The following FZD6 variants were observed in gnomAD, a reference collection of about 807,000 sequenced individuals.
The protein encoded by FZD6 is frizzled class receptor 6, also known as frizzled-6.
FZD6 carries 49 observed loss-of-function variants against 61.4 expected under a neutral mutation model. That is an observed-to-expected ratio of 0.80 (90% CI 0.63 to 1.01). FZD6 has a LOEUF of 1.01. FZD6 is among the 50% of genes least tolerant of loss of function. FZD6 has a pLI of 0.00. For missense variants in FZD6, 724 were observed against 848.2 expected (o/e 0.85, Z 1.82); for synonymous variants, 265 against 292.2 (o/e 0.91, Z 0.95).
chr8:103,325,222 C>T lies in FZD6; in HGVS notation c.1116C>T (p.Leu372=). The change falls in exon 4 of 7, where the codon CTC becomes CTT. Residue 372 remains leucine (L), a synonymous_variant. Coordinates refer to ENST00000358755, the MANE Select transcript of FZD6 (RefSeq NM_003506.4). ...TGGATGCTTCTCGCTACTTTGTACT[C>T]TTGCCACTGTGCCTTTGTGTGTTTG... ...YDLDASRYFV[L]LPLCLCVFVG... 6.2e-7 allele frequency: 1 copy of T among 1,614,188 alleles called. No homozygotes were observed. The highest frequency in any genetic ancestry group is 8.5e-7 in the Non-Finnish European group (1 of 1,180,014).
intron 2 of FZD6, among the ~76,000 whole-genome samples, chr8:103,310,677 C>A (rs372739143): frequency 6.6e-6 from 1 of 152,210 alleles, no homozygotes; most frequent in East Asian, 1.9e-4. Context: ...AATCTGATAA[C>A]TCATGCTCGT....
chr8:103,327,684 A>G (rs12164188), intron 4 of FZD6, among the ~76,000 whole-genome samples: 64,829 of 152,060 alleles, frequency 0.43, 14,400 homozygotes, highest in East Asian at 0.6. Context: ...TTAGTAAGTA[A>G]AAAAGGCAAG....
At position 103,318,703 on chromosome 8, in the gene FZD6, A is replaced by G. The variant is rs751446119; in HGVS notation, c.291A>G (p.Lys97=). The G allele has an allele frequency of 8.7e-6, 14 of 1,609,798 alleles. No homozygotes were observed. In the South Asian group the frequency reaches 1.2e-4, roughly 14 times the overall value. Residue 97 remains lysine, a synonymous_variant, in exon 3 of 7, where the codon AAA becomes AAG. Coordinates refer to ENST00000358755, the MANE Select transcript of FZD6 (RefSeq NM_003506.4). ...EQIHVVPPCR[K]LCEKVYSDCK... ...TTCATGTGGTTCCACCTTGTCGTAA[A>G]CTTTGTGAGAAAGTATATTCTGATT...
At chr8:103,303,568 G>A in intron 2 of FZD6, among the ~76,000 whole-genome samples, 1 of 152,114 alleles carries the variant, frequency 6.6e-6, no homozygotes, top group East Asian at 1.9e-4. Context: ...TCTGAGCATG[G>A]TAGAGGCTAC....
At chr8:103,315,326 T>A (rs577393218) in intron 2 of FZD6, among the ~76,000 whole-genome samples, 20 of 152,332 alleles carry the variant, frequency 1.3e-4, no homozygotes, top group Middle Eastern at 6.8e-3. Flanking sequence ...TGCCTGCTAG[T>A]AGATATTTCA....
intron 2 of FZD6, among the ~76,000 whole-genome samples, chr8:103,310,435 C>T (rs887520926): frequency 1.3e-5 from 2 of 152,038 alleles, no homozygotes; most frequent in African/African-American, 4.8e-5. Context: ...TGACAACCTG[C>T]TATTTTTTTT....
rs758708176 is a variant in FZD6, at chr8:103,329,910, G to A, written c.1797G>A (p.Glu599=). The change falls in exon 6 of 7, where the codon GAG becomes GAA. Residue 599 remains glutamate (E), a synonymous_variant. Coordinates refer to ENST00000358755, the MANE Select transcript of FZD6 (RefSeq NM_003506.4). ...IQTSPETSMR[E]VKADGASTPR... ...CCTCACCAGAAACATCAATGAGAGA[G>A]GTGAAAGCGGACGGAGCTAGCACCC... 7.0e-5 allele frequency: 113 copies of A among 1,614,042 alleles called. No homozygotes were observed. The highest frequency in any genetic ancestry group is 9.2e-5 in the Non-Finnish European group (109 of 1,180,042).
intron 3 of FZD6, among the ~76,000 whole-genome samples, chr8:103,322,576 C>T (rs1369127535): frequency 6.6e-6 from 1 of 152,108 alleles, no homozygotes; most frequent in Admixed American, 6.5e-5. Context: ...ACCTTTTCCA[C>T]ATTAGTCTTG....
chr8:103,307,028 G>A (rs1814354797), intron 2 of FZD6, among the ~76,000 whole-genome samples: 1 of 152,082 alleles, frequency 6.6e-6, no homozygotes, highest in South Asian at 2.1e-4. Flanking sequence ...TGGTGATGTG[G>A]CTTGCTTCCA....
chr8:103,330,768 G>C (rs1174707586), intron 6 of FZD6, among the ~76,000 whole-genome samples: 2 of 152,154 alleles, frequency 1.3e-5, no homozygotes, highest in South Asian at 2.1e-4. Flanking sequence ...TAAAACATTT[G>C]TTAAACTGAG....
At chr8:103,330,111 A>T (rs765565448) in intron 6 of FZD6, 46 bp downstream of exon 6, 1 of 1,466,536 alleles carries the variant, frequency 6.8e-7, no homozygotes, top group South Asian at 1.1e-5. Flanking sequence ...TAAATACTGC[A>T]TTACACATTT....
chr8:103,329,008 T>G (rs1418707073), intron 5 of FZD6, among the ~76,000 whole-genome samples: 1 of 99,054 alleles, frequency 1.0e-5, no homozygotes, highest in Non-Finnish European at 1.9e-5. Flanking sequence ...TAATTCATTT[T>G]AGTTTTATAT....
chr8:103,323,725 C>T (rs143039633), intron 3 of FZD6, among the ~76,000 whole-genome samples: 11 of 152,308 alleles, frequency 7.2e-5, no homozygotes, highest in African/African-American at 2.6e-4. Context: ...GCCACCGTAC[C>T]TGGCCAAAAC....
chr8:103,306,020 C>T (rs2687367), intron 2 of FZD6, among the ~76,000 whole-genome samples: 142,531 of 152,288 alleles, frequency 0.94, 66,747 homozygotes, highest in East Asian at 1. Context: ...ATATGTAGCT[C>T]TCCCAGAATT....
At chr8:103,311,375 C>T (rs1457709329) in intron 2 of FZD6, among the ~76,000 whole-genome samples, 1 of 152,186 alleles carries the variant, frequency 6.6e-6, no homozygotes, top group East Asian at 1.9e-4. Context: ...TCCCTCTTAG[C>T]TTCCATAGTG....
At chr8:103,312,138 T>C (rs1440148217) in intron 2 of FZD6, among the ~76,000 whole-genome samples, 1 of 152,240 alleles carries the variant, frequency 6.6e-6, no homozygotes, top group Non-Finnish European at 1.5e-5. Context: ...CTCTTCTTTC[T>C]CATCTCTGCC....
chr8:103,322,738 T>C (rs1814827043), intron 3 of FZD6, among the ~76,000 whole-genome samples: 1 of 152,218 alleles, frequency 6.6e-6, no homozygotes, highest in Admixed American at 6.6e-5. Context: ...ATGTGGAACT[T>C]ACACACTTCT....
chr8:103,330,904 A>G (rs564013663), intron 6 of FZD6, among the ~76,000 whole-genome samples: 23 of 152,330 alleles, frequency 1.5e-4, no homozygotes, highest in East Asian at 3.9e-4. Flanking sequence ...TTGGCCAGGC[A>G]CGGTGGCTCA....
intron 3 of FZD6, among the ~76,000 whole-genome samples, chr8:103,323,378 G>T (rs1382535098): frequency 6.6e-6 from 1 of 150,904 alleles, no homozygotes; most frequent in Non-Finnish European, 1.5e-5. Flanking sequence ...ATATGTTTTA[G>T]TCTGTTCTTA....
Sources: gnomAD v4.1 joint callset for allele counts (sites outside exome capture counted in the v4.1 genomes callset) on GRCh38, gnomAD v4.1.1 for gene constraint, MANE v1.5 for transcripts, NCBI Gene and HGNC (gene_info 2026-07-23, HGNC 2026-07-21) for gene names.